TNFSF4: variants seen among roughly 807,000 people sequenced by gnomAD.
The protein encoded by TNFSF4 is tumor necrosis factor ligand superfamily member 4.
A neutral mutation model predicts 7.3 loss-of-function variants in TNFSF4; 4 were observed. The observed-to-expected ratio is 0.55, with a 90% CI of 0.27 to 1.25. TNFSF4 has a LOEUF of 1.25. TNFSF4 is among the 50% of genes most tolerant of loss of function. The pLI is 0.12. For synonymous variants in TNFSF4, 76 were observed against 83.7 expected, an observed-to-expected ratio of 0.91 and a Z score of 0.50; for missense variants, 181 against 208.8, an observed-to-expected ratio of 0.87 and a Z score of 0.82.
the TNFSF4 span, among the ~76,000 whole-genome samples, chr1:173,233,371 A>C: frequency 6.6e-6 from 1 of 152,210 alleles, no homozygotes; most frequent in Admixed American, 6.5e-5. Flanking sequence ...CCTGAAAGTG[A>C]CTGGGAGAAT....
chr1:173,412,051 G>A, the TNFSF4 span, among the ~76,000 whole-genome samples: 1 of 151,340 alleles, frequency 6.6e-6, no homozygotes. Flanking sequence ...GGGAGGCGGA[G>A]GTTGCAGTGA....
the TNFSF4 span, among the ~76,000 whole-genome samples, chr1:173,281,083 T>G: frequency 6.6e-6 from 1 of 152,100 alleles, no homozygotes; most frequent in African/African-American, 2.4e-5. Context: ...TGCAATCCTG[T>G]TGTGGTTCAT....
At chr1:173,312,590 G>A in the TNFSF4 span, among the ~76,000 whole-genome samples, 1 of 152,032 alleles carries the variant, frequency 6.6e-6, no homozygotes, top group Non-Finnish European at 1.5e-5. Flanking sequence ...TAATGTTGAG[G>A]AAGCCAAATA....
chr1:173,408,175 A>G, the TNFSF4 span, among the ~76,000 whole-genome samples: 114 of 152,298 alleles, frequency 7.5e-4, no homozygotes, highest in South Asian at 0.023. Flanking sequence ...TCTAAATACC[A>G]TTTTCCATGA....
At chr1:173,319,859 C>G in the TNFSF4 span, among the ~76,000 whole-genome samples, 2 of 152,098 alleles carry the variant, frequency 1.3e-5, no homozygotes, top group African/African-American at 2.4e-5. Context: ...GGTCATAAAC[C>G]TCAAAGATCA....
the TNFSF4 span, among the ~76,000 whole-genome samples, chr1:173,425,610 G>A: frequency 6.6e-6 from 1 of 152,192 alleles, no homozygotes; most frequent in Admixed American, 6.5e-5. Flanking sequence ...GAATCTGTTT[G>A]GGACACAGCT....
chr1:173,223,538 G>A, the TNFSF4 span, among the ~76,000 whole-genome samples: 8 of 152,174 alleles, frequency 5.3e-5, no homozygotes, highest in Admixed American at 2.6e-4. Context: ...AGACAATCAG[G>A]TAAAGGTGGA....
At chr1:173,327,715 A>G in the TNFSF4 span, among the ~76,000 whole-genome samples, 2 of 152,254 alleles carry the variant, frequency 1.3e-5, no homozygotes, top group South Asian at 2.1e-4. Context: ...ACACTTTTCA[A>G]AAGAAGACAT....
chr1:173,277,195 C>T, the TNFSF4 span, among the ~76,000 whole-genome samples: 37 of 152,238 alleles, frequency 2.4e-4, no homozygotes, highest in South Asian at 4.4e-3. Flanking sequence ...AGACAGAAAC[C>T]TGTCTGGGGT....
chr1:173,421,419 T>C, the TNFSF4 span, among the ~76,000 whole-genome samples: 1 of 152,148 alleles, frequency 6.6e-6, no homozygotes, highest in Non-Finnish European at 1.5e-5. Context: ...AGCAGCACTG[T>C]GGAGCTGTGA....
the TNFSF4 span, among the ~76,000 whole-genome samples, chr1:173,325,415 A>C: frequency 1.1e-4 from 16 of 152,246 alleles, no homozygotes; most frequent in Non-Finnish European, 2.1e-4. Context: ...AGAAAGCAGG[A>C]AAGATCTAAA....
At chr1:173,324,830 T>G in the TNFSF4 span, among the ~76,000 whole-genome samples, 9 of 152,172 alleles carry the variant, frequency 5.9e-5, no homozygotes, top group Non-Finnish European at 1.2e-4. Context: ...TAAATATATA[T>G]ACACCCAATA....
chr1:173,362,358 T>C, the TNFSF4 span: 1 of 344,356 alleles, frequency 2.9e-6, no homozygotes, highest in South Asian at 3.0e-5. Flanking sequence ...ACAGTTCATG[T>C]TGCACTCATA....
the TNFSF4 span, among the ~76,000 whole-genome samples, chr1:173,388,886 A>G: frequency 6.6e-6 from 1 of 152,140 alleles, no homozygotes; most frequent in African/African-American, 2.4e-5. Context: ...GACTCTTAAG[A>G]GTTAAAGGAG....
the TNFSF4 span, among the ~76,000 whole-genome samples, chr1:173,218,096 T>C: frequency 7.9e-5 from 12 of 152,128 alleles, no homozygotes; most frequent in African/African-American, 2.7e-4. Flanking sequence ...AGTGCTGGGC[T>C]AGATAGACCC....
intron 1 of TNFSF4, among the ~76,000 whole-genome samples, chr1:173,193,418 G>T (rs1649566849): frequency 6.6e-6 from 1 of 152,034 alleles, no homozygotes; most frequent in East Asian, 1.9e-4. Flanking sequence ...TGAATGTAAT[G>T]GTCTTAGAAG....
the TNFSF4 span, among the ~76,000 whole-genome samples, chr1:173,370,082 A>T: frequency 1.2e-4 from 18 of 152,108 alleles, no homozygotes; most frequent in Admixed American, 5.2e-4. Context: ...ATTTGGCCCA[A>T]CCCGAGTACA....
the TNFSF4 span, among the ~76,000 whole-genome samples, chr1:173,414,803 C>T: frequency 6.6e-6 from 1 of 152,206 alleles, no homozygotes; most frequent in Non-Finnish European, 1.5e-5. Flanking sequence ...TGCCTCGTAG[C>T]AGCTTGGGTC....
chr1:173,292,056 T>G, the TNFSF4 span, among the ~76,000 whole-genome samples: 84 of 150,794 alleles, frequency 5.6e-4, no homozygotes, highest in African/African-American at 1.8e-3. Context: ...ATACCAAACG[T>G]ATAAAGAAGA....
Sources: allele counts gnomAD v4.1 joint callset (sites outside exome capture counted in the v4.1 genomes callset), GRCh38; gene constraint gnomAD v4.1.1; transcripts MANE v1.5; gene names NCBI Gene and HGNC (gene_info 2026-07-23, HGNC 2026-07-21).